PDHX: variants seen among roughly 807,000 people sequenced by gnomAD.
PDHX encodes the protein pyruvate dehydrogenase complex component X.
PDHX carries 33 observed loss-of-function variants against 55.3 expected under a neutral mutation model. The ratio of observed to expected loss-of-function variants is 0.60; its 90% CI spans 0.45 to 0.80. The LOEUF (loss-of-function observed/expected upper bound fraction) is 0.80. Ranked by LOEUF, PDHX falls within the 30% of genes least tolerant of loss-of-function variation. The pLI is 0.00. For missense variants in PDHX, 622 were observed against 619.9 expected, an observed-to-expected ratio of 1.00 and a Z score of -0.04; for synonymous variants, 226 against 219.4, an observed-to-expected ratio of 1.03 and a Z score of -0.27.
intron 2 of PDHX, among the ~76,000 whole-genome samples, chr11:34,938,417 A>G (rs1020823440): frequency 6.6e-6 from 1 of 152,238 alleles, no homozygotes; most frequent in Admixed American, 6.5e-5. Context: ...TTGGCTCTGC[A>G]TGGCTGCTGC....
chr11:34,980,400 G>T (rs1244302678), intron 8 of PDHX, among the ~76,000 whole-genome samples: 2 of 92,516 alleles, frequency 2.2e-5, no homozygotes, highest in Non-Finnish European at 4.2e-5. Context: ...AAGAGCAAAA[G>T]AACAAAGCTT....
chr11:34,936,786 T>TTCTTTTCTG (rs760004113), intron 2 of PDHX, among the ~76,000 whole-genome samples: 1 of 61,594 alleles, frequency 1.6e-5, no homozygotes, highest in Admixed American at 1.7e-4. Flanking sequence ...TTCTTTTCTT[T>TTCTTTTCTG]TTTTTTTTTT....
At chr11:34,945,905 A>G (rs1354667366) in intron 2 of PDHX, among the ~76,000 whole-genome samples, 1 of 152,138 alleles carries the variant, frequency 6.6e-6, no homozygotes, top group African/African-American at 2.4e-5. Context: ...AAATTCATTC[A>G]AAACTCTTTG....
chr11:34,923,179 T>C (rs1262308565), intron 1 of PDHX, among the ~76,000 whole-genome samples: 1 of 122,970 alleles, frequency 8.1e-6, no homozygotes, highest in Non-Finnish European at 1.7e-5. Context: ...CAGCAGATTC[T>C]ATGAACAAGA....
chr11:34,975,202 A>G (rs1312966549), intron 7 of PDHX, among the ~76,000 whole-genome samples: 2 of 152,030 alleles, frequency 1.3e-5, no homozygotes, highest in African/African-American at 2.4e-5. Context: ...TGCATTACCA[A>G]TTTGGCTATT....
intron 2 of PDHX, among the ~76,000 whole-genome samples, chr11:34,933,243 T>C (rs1033329652): frequency 6.6e-6 from 1 of 152,190 alleles, no homozygotes; most frequent in South Asian, 2.1e-4. Flanking sequence ...GTGATTCTAA[T>C]TCATTTTTTT....
At chr11:34,936,405 C>T (rs1854311379) in intron 2 of PDHX, among the ~76,000 whole-genome samples, 1 of 152,056 alleles carries the variant, frequency 6.6e-6, no homozygotes. Context: ...TGTAAGTGGT[C>T]AGTTAGTAAA....
At chr11:34,966,074 G>T (rs1825442592) in intron 5 of PDHX, among the ~76,000 whole-genome samples, 1 of 152,070 alleles carries the variant, frequency 6.6e-6, no homozygotes, top group South Asian at 2.1e-4. Context: ...CATTCTAAAA[G>T]ATATCATAGG....
At chr11:34,990,067 G>A (rs1053981900) in intron 9 of PDHX, among the ~76,000 whole-genome samples, 15 of 152,092 alleles carry the variant, frequency 9.9e-5, no homozygotes, top group Non-Finnish European at 1.9e-4. Flanking sequence ...TGCCACTGTG[G>A]GGGCTGTAGG....
chr11:34,966,435 C>G (rs1565163270), intron 5 of PDHX, among the ~76,000 whole-genome samples: 2 of 152,118 alleles, frequency 1.3e-5, no homozygotes, highest in Non-Finnish European at 2.9e-5. Context: ...TGAAAATATG[C>G]AAATATTAGA....
intron 5 of PDHX, among the ~76,000 whole-genome samples, chr11:34,960,723 A>G (rs1384249771): frequency 6.6e-6 from 1 of 152,248 alleles, no homozygotes; most frequent in Non-Finnish European, 1.5e-5. Flanking sequence ...ACTGAAGAAC[A>G]GCTCTAATTT....
chr11:34,924,663 C>G (rs1209832515), intron 1 of PDHX, among the ~76,000 whole-genome samples: 2 of 152,236 alleles, frequency 1.3e-5, no homozygotes, highest in Middle Eastern at 3.4e-3. Context: ...CTCTAAATCA[C>G]TGTGGTATTC....
chr11:34,936,035 G>GC (rs1854301167), intron 2 of PDHX, among the ~76,000 whole-genome samples: 1 of 152,330 alleles, frequency 6.6e-6, no homozygotes, highest in South Asian at 2.1e-4. Flanking sequence ...GCCTTTCATA[G>GC]CATCACTTTT....
intron 7 of PDHX, among the ~76,000 whole-genome samples, chr11:34,972,525 G>A (rs1855279607): frequency 6.6e-6 from 1 of 151,796 alleles, no homozygotes; most frequent in African/African-American, 2.4e-5. Context: ...AGTGCCCTGA[G>A]TAGCTAGGAT....
At chr11:34,929,057 G>C (rs1854091999) in intron 1 of PDHX, among the ~76,000 whole-genome samples, 1 of 152,198 alleles carries the variant, frequency 6.6e-6, no homozygotes, top group African/African-American at 2.4e-5. Flanking sequence ...GAGAGTCATG[G>C]TGGACTGGAG....
intron 9 of PDHX, among the ~76,000 whole-genome samples, chr11:34,987,372 GA>G (rs1246948039): frequency 6.6e-6 from 1 of 152,004 alleles, no homozygotes; most frequent in Non-Finnish European, 1.5e-5. Context: ...GTTGTACTCG[GA>G]AAAAATAAGG....
intron 3 of PDHX, among the ~76,000 whole-genome samples, chr11:34,953,130 AC>A (rs575914465): frequency 0.016 from 2,474 of 152,346 alleles, 64 homozygotes; most frequent in African/African-American, 0.057. Context: ...AATCCAACTT[AC>A]GAGGGACGTG....
At chr11:34,979,364 G>C (rs1372490521) in intron 8 of PDHX, among the ~76,000 whole-genome samples, 3 of 152,112 alleles carry the variant, frequency 2.0e-5, no homozygotes, top group African/African-American at 7.2e-5. Context: ...GCTGGCTGGA[G>C]TTGTAAATCT....
chr11:34,979,560 A>G (rs960171674), intron 8 of PDHX, among the ~76,000 whole-genome samples: 1 of 152,188 alleles, frequency 6.6e-6, no homozygotes, highest in African/African-American at 2.4e-5. Context: ...AGCACTCTGT[A>G]TTCTGAAAAT....
Sources: allele counts gnomAD v4.1 joint callset (sites outside exome capture counted in the v4.1 genomes callset), GRCh38; gene constraint gnomAD v4.1.1; transcripts MANE v1.5; gene names NCBI Gene and HGNC (gene_info 2026-07-23, HGNC 2026-07-21).